HS3ST3A1: variants seen among roughly 807,000 people sequenced by gnomAD.
HS3ST3A1 encodes heparan sulfate glucosamine 3-O-sulfotransferase 3A1.
HS3ST3A1 carries 19 observed loss-of-function variants against 25.7 expected under a neutral mutation model. That is an observed-to-expected ratio of 0.74 (90% CI 0.52 to 1.08). HS3ST3A1 has a LOEUF of 1.08. HS3ST3A1 is among the 50% of genes least tolerant of loss of function. HS3ST3A1 has a pLI of 0.00. For synonymous variants in HS3ST3A1, 226 were observed against 278.6 expected, an observed-to-expected ratio of 0.81 and a Z score of 1.88; for missense variants, 459 against 594.3, an observed-to-expected ratio of 0.77 and a Z score of 2.37.
intron 1 of HS3ST3A1, among the ~76,000 whole-genome samples, chr17:13,596,896 G>T (rs558719174): frequency 2.0e-5 from 3 of 152,232 alleles, no homozygotes; most frequent in South Asian, 4.2e-4. Flanking sequence ...CCTCTGCTCA[G>T]TATGCCTCTC....
chr17:13,589,334 A>T (rs1163682119), intron 1 of HS3ST3A1, among the ~76,000 whole-genome samples: 1 of 152,208 alleles, frequency 6.6e-6, no homozygotes, highest in East Asian at 1.9e-4. Context: ...CTTCGCCAAC[A>T]GGGCAAATGC....
intron 1 of HS3ST3A1, among the ~76,000 whole-genome samples, chr17:13,546,090 G>A (rs969169094): frequency 1.3e-5 from 2 of 152,046 alleles, no homozygotes; most frequent in African/African-American, 4.8e-5. Context: ...ATTTCCACCT[G>A]TCCGCCCTCT....
intron 1 of HS3ST3A1, among the ~76,000 whole-genome samples, chr17:13,557,145 C>A (rs191413919): frequency 1.9e-3 from 296 of 152,292 alleles, no homozygotes; most frequent in African/African-American, 6.9e-3. Context: ...AAAATGAGCA[C>A]GGGTCGGACG....
intron 1 of HS3ST3A1, among the ~76,000 whole-genome samples, chr17:13,570,408 T>C (rs1053322848): frequency 6.6e-6 from 1 of 152,212 alleles, no homozygotes; most frequent in African/African-American, 2.4e-5. Context: ...AATATCACCT[T>C]ATACGGTTTT....
rs933582179 is a variant in HS3ST3A1, at chr17:13,534,824, G to A, written c.600-38006C>T. On this transcript the variant is annotated intron_variant, in intron 1 of 1. Coordinates refer to ENST00000284110, the MANE Select transcript of HS3ST3A1 (RefSeq NM_006042.3). ...GCAGATCACCTGAGGTTGGGAGTTC[G>A]TGACCAGCCTGACTAACATGGAGAA... is the stretch of plus-strand genomic sequence containing the variant. 8.5e-5 allele frequency among the ~76,000 whole-genome samples: 13 copies of A among 152,052 alleles called. No homozygotes were observed. In the South Asian group the frequency reaches 1.2e-3, roughly 15 times the overall value.
chr17:13,570,427 AG>A (rs1446762131), intron 1 of HS3ST3A1, among the ~76,000 whole-genome samples: 1 of 152,204 alleles, frequency 6.6e-6, no homozygotes, highest in Non-Finnish European at 1.5e-5. Flanking sequence ...TTGAAAAAAA[AG>A]ATAATCACTC....
At chr17:13,552,231 C>T (rs1907264739) in intron 1 of HS3ST3A1, among the ~76,000 whole-genome samples, 1 of 152,160 alleles carries the variant, frequency 6.6e-6, no homozygotes, top group Non-Finnish European at 1.5e-5. Context: ...AGGCACACAC[C>T]ACCACACCCT....
chr17:13,587,067 T>TAGA (rs1908295014), intron 1 of HS3ST3A1, among the ~76,000 whole-genome samples: 1 of 151,858 alleles, frequency 6.6e-6, no homozygotes, highest in Non-Finnish European at 1.5e-5. Flanking sequence ...AGGTAACTAC[T>TAGA]AGAAAGTTGA....
chr17:13,584,936 T>A (rs575796764), intron 1 of HS3ST3A1, among the ~76,000 whole-genome samples: 133 of 152,284 alleles, frequency 8.7e-4, no homozygotes, highest in African/African-American at 3.1e-3. Flanking sequence ...CCATGCCATG[T>A]GGCTTCTGTC....
At chr17:13,512,940 T>C (rs1905925619) in intron 1 of HS3ST3A1, among the ~76,000 whole-genome samples, 2 of 152,228 alleles carry the variant, frequency 1.3e-5, no homozygotes, top group South Asian at 2.1e-4. Context: ...AATAGATTTA[T>C]ATATTTTTTC....
intron 1 of HS3ST3A1, among the ~76,000 whole-genome samples, chr17:13,503,023 A>C (rs890972206): frequency 6.6e-6 from 1 of 152,090 alleles, no homozygotes; most frequent in African/African-American, 2.4e-5. Context: ...TACTAAAAAT[A>C]CAAAATTAGC....
At chr17:13,538,578 C>T (rs533567510) in intron 1 of HS3ST3A1, among the ~76,000 whole-genome samples, 100 of 152,210 alleles carry the variant, frequency 6.6e-4, no homozygotes, top group Non-Finnish European at 1.2e-3. Context: ...CGAATGCCAG[C>T]ATAATACTCT....
intron 1 of HS3ST3A1, among the ~76,000 whole-genome samples, chr17:13,569,727 T>A (rs1907757206): frequency 6.6e-6 from 1 of 152,238 alleles, no homozygotes; most frequent in Non-Finnish European, 1.5e-5. Flanking sequence ...AGTAAAATTC[T>A]GATGTAAATT....
chr17:13,558,605 A>G (rs1443242283), intron 1 of HS3ST3A1, among the ~76,000 whole-genome samples: 1 of 152,234 alleles, frequency 6.6e-6, no homozygotes, highest in African/African-American at 2.4e-5. Flanking sequence ...TAACTATTCC[A>G]GTTTTATTTT....
At chr17:13,535,854 T>G (rs1002907976) in intron 1 of HS3ST3A1, among the ~76,000 whole-genome samples, 1 of 152,180 alleles carries the variant, frequency 6.6e-6, no homozygotes, top group Non-Finnish European at 1.5e-5. Context: ...GAATGGTTTC[T>G]AAGGTTTTAC....
At chr17:13,596,415 GCGTA>G (rs1184491210) in intron 1 of HS3ST3A1, among the ~76,000 whole-genome samples, 6 of 53,828 alleles carry the variant, frequency 1.1e-4, no homozygotes, top group African/African-American at 3.8e-4. Context: ...GTGTGCGCGT[GCGTA>G]CACACACACA....
intron 1 of HS3ST3A1, among the ~76,000 whole-genome samples, chr17:13,581,952 C>G (rs1056330986): frequency 6.6e-6 from 1 of 152,188 alleles, no homozygotes; most frequent in Admixed American, 6.5e-5. Flanking sequence ...ATGTAACACA[C>G]AGACTCATAC....
At chr17:13,552,844 A>T (rs1355358887) in intron 1 of HS3ST3A1, among the ~76,000 whole-genome samples, 3 of 152,192 alleles carry the variant, frequency 2.0e-5, no homozygotes, top group Non-Finnish European at 4.4e-5. Flanking sequence ...CCCACTTTTC[A>T]CATTTTCCAT....
At chr17:13,557,179 T>A (rs1907406009) in intron 1 of HS3ST3A1, among the ~76,000 whole-genome samples, 1 of 152,206 alleles carries the variant, frequency 6.6e-6, no homozygotes. Flanking sequence ...GTTTCCTTAA[T>A]GGATGCCCTG....
Sources: allele counts gnomAD v4.1 joint callset (sites outside exome capture counted in the v4.1 genomes callset), GRCh38; gene constraint gnomAD v4.1.1; transcripts MANE v1.5; gene names NCBI Gene and HGNC (gene_info 2026-07-23, HGNC 2026-07-21).